DDAH1: variants seen among roughly 807,000 people sequenced by gnomAD.
DDAH1 encodes the protein dimethylarginine dimethylaminohydrolase 1.
Under a neutral mutation model 28.8 loss-of-function variants are expected in DDAH1, and 19 were observed. That is an observed-to-expected ratio of 0.66 (90% confidence interval 0.46 to 0.97). The LOEUF is 0.97. Among genes scored for constraint, DDAH1 ranks in the 50% least tolerant of loss-of-function variants. DDAH1 has a pLI of 0.00. For missense variants in DDAH1, 326 were observed against 375.9 expected (o/e 0.87, Z 1.10); for synonymous variants, 153 against 154.4 (o/e 0.99, Z 0.07).
intron 1 of DDAH1, among the ~76,000 whole-genome samples, chr1:85,499,488 T>C (rs1384813499): frequency 2.0e-5 from 3 of 152,086 alleles, no homozygotes; most frequent in Admixed American, 6.5e-5. Flanking sequence ...GCCTGGCCAA[T>C]ATGTTGAAAC....
chr1:85,386,632 C>A (rs893522945), intron 1 of DDAH1, among the ~76,000 whole-genome samples: 2 of 152,176 alleles, frequency 1.3e-5, no homozygotes, highest in African/African-American at 4.8e-5. Flanking sequence ...GCTGGTGGGT[C>A]TATAATTCTG....
At chr1:85,502,777 C>T (rs1308164905) in intron 1 of DDAH1, among the ~76,000 whole-genome samples, 1 of 152,220 alleles carries the variant, frequency 6.6e-6, no homozygotes, top group African/African-American at 2.4e-5. Flanking sequence ...TCCTCTTTTG[C>T]TGCTTCTCTT....
intron 1 of DDAH1, among the ~76,000 whole-genome samples, chr1:85,507,422 G>T (rs1657053244): frequency 6.6e-6 from 1 of 152,058 alleles, no homozygotes. Context: ...AGGACTGCTT[G>T]AGCCCAGGAG....
intron 1 of DDAH1, among the ~76,000 whole-genome samples, chr1:85,371,049 A>T (rs955536677): frequency 6.6e-6 from 1 of 152,202 alleles, no homozygotes; most frequent in Non-Finnish European, 1.5e-5. Flanking sequence ...TAACAATACT[A>T]TTCTAACAAA....
chr1:85,390,933 C>T (rs957146056), intron 1 of DDAH1, among the ~76,000 whole-genome samples: 2 of 152,114 alleles, frequency 1.3e-5, no homozygotes, highest in African/African-American at 4.8e-5. Context: ...ATTCATATAA[C>T]TGTACTTGAA....
chr1:85,475,862 G>T (rs985000599), intron 2 of DDAH1, among the ~76,000 whole-genome samples: 6 of 151,940 alleles, frequency 3.9e-5, no homozygotes, highest in South Asian at 2.1e-4. Context: ...TTTGGTTTTG[G>T]TTTTTTCGAG....
Position 85,464,998 on chromosome 1 carries a change from G to C in DDAH1, c.48C>G (p.Ala16=), listed in dbSNP as rs1258923030. The part of the protein sequence containing the change: ...HPAAFGRATH[A]VVRALPESLG... ...GCGACTCGGGTAGCGCCCGCACCAC[G>C]GCGTGGGTGGCCCGGCCGAAGGCGG... The change falls in exon 1 of 6, where the codon GCC becomes GCG. Residue 16 remains alanine, a synonymous_variant. Transcript: ENST00000284031. This position sits in a 1 kb window ranked among gnomAD's most constrained non-coding sequence, Gnocchi z 4.4. 3 of 1,378,412 alleles carry C rather than the reference G, an allele frequency of 2.2e-6. No homozygotes were observed. The highest frequency in any genetic ancestry group is 6.1e-5 in the East Asian group (2 of 32,586). 85.4% of individuals were successfully genotyped at this position (1,378,412 alleles called of 1,614,324 possible).
intron 1 of DDAH1, chr1:85,380,486 TG>T (rs1266735953): frequency 6.6e-6 from 1 of 152,194 alleles, no homozygotes; most frequent in Admixed American, 6.5e-5. Context: ...AGAGCTGAAA[TG>T]GTCATATTCC....
At chr1:85,533,321 A>G (rs1159840699) in intron 1 of DDAH1, among the ~76,000 whole-genome samples, 3 of 152,204 alleles carry the variant, frequency 2.0e-5, no homozygotes, top group Admixed American at 2.0e-4. Context: ...GCGTTAAGAA[A>G]GTATTTTTTT....
intron 3 of DDAH1, 71 bp downstream of exon 3, chr1:85,351,435 T>TTGATTCAATGGTTCTA: frequency 8.2e-7 from 1 of 1,225,118 alleles, no homozygotes; most frequent in Non-Finnish European, 1.2e-6. Context: ...ACTCATGACA[T>TTGATTCAATGGTTCTA]TGATTCAATG....
At position 85,430,605 on chromosome 1, in the gene DDAH1, G is replaced by A. The variant is rs183781369; in HGVS notation, c.303+34138C>T. On this transcript the variant is annotated intron_variant, in intron 1 of 5. Coordinates refer to ENST00000284031, the MANE Select transcript of DDAH1 (RefSeq NM_012137.4). ...AGTGGTTTGTAGTTCTCCTTGAAGAGGTTCGTCACATCCCTTGTAAGTTGG... is the reference window on the plus strand; with the variant it reads ...AGTGGTTTGTAGTTCTCCTTGAAGAAGTTCGTCACATCCCTTGTAAGTTGG... Among the ~76,000 whole-genome samples, 169 of 152,214 alleles carry A rather than the reference G, an allele frequency of 1.1e-3. 1 individual carries two copies. The highest frequency in any genetic ancestry group is 3.9e-3 in the African/African-American group (164 of 41,524).
chr1:85,455,836 A>T (rs1300702380), intron 1 of DDAH1, among the ~76,000 whole-genome samples: 1 of 152,238 alleles, frequency 6.6e-6, no homozygotes, highest in Non-Finnish European at 1.5e-5. Flanking sequence ...GAGTAAGCAG[A>T]GCTTTTGAAA....
intron 1 of DDAH1, among the ~76,000 whole-genome samples, chr1:85,454,538 G>C (rs1654801631): frequency 6.6e-6 from 1 of 152,232 alleles, no homozygotes; most frequent in Admixed American, 6.5e-5. Flanking sequence ...GTTGAAAGGG[G>C]ATGCGGTCGA....
intron 1 of DDAH1, among the ~76,000 whole-genome samples, chr1:85,447,249 T>C (rs952475044): frequency 1.3e-5 from 2 of 152,144 alleles, no homozygotes; most frequent in African/African-American, 2.4e-5. Context: ...CTGAATTCAG[T>C]CTATTTATAG....
chr1:85,567,656 G>A (rs78650125), intron 1 of DDAH1, among the ~76,000 whole-genome samples: 1 of 152,282 alleles, frequency 6.6e-6, no homozygotes, highest in South Asian at 2.1e-4. Context: ...AATCACAGAT[G>A]AGTCAATTTA....
At chr1:85,511,824 CA>C (rs1657246059) in intron 1 of DDAH1, among the ~76,000 whole-genome samples, 1 of 152,134 alleles carries the variant, frequency 6.6e-6, no homozygotes, top group Non-Finnish European at 1.5e-5. Context: ...CTGAATAGAC[CA>C]ATAACAGGTT....
chr1:85,417,601 C>T (rs1233417037), intron 1 of DDAH1, among the ~76,000 whole-genome samples: 2 of 152,308 alleles, frequency 1.3e-5, no homozygotes, highest in Middle Eastern at 3.4e-3. Flanking sequence ...ATCCTATCTC[C>T]TTATAGGGAA....
At position 85,465,069 on chromosome 1, in the gene DDAH1, CGGCGGCGGCGGA is replaced by C. The variant is rs1655311379; in HGVS notation, c.-36_-25del. On this transcript the variant is annotated 5_prime_UTR_variant, in exon 1 of 6. Transcript: ENST00000284031. ...ATGGCTTCGGGAGGCTTAGGGGCGGCGGCGGCGGCGGAGGCGGCCGGGTCCTGCCGCGGGCAG... is the reference window on the plus strand; with the variant it reads ...ATGGCTTCGGGAGGCTTAGGGGCGGCGGCGGCCGGGTCCTGCCGCGGGCAG... The C allele has an allele frequency of 8.2e-7, 1 of 1,226,174 alleles. No homozygotes were observed. The allele number at this position is 1,226,174 out of a possible 1,614,324, so 76.0% of individuals were successfully genotyped here.
chr1:85,573,721 G>C (rs926671825), intron 1 of DDAH1, among the ~76,000 whole-genome samples: 1 of 152,232 alleles, frequency 6.6e-6, no homozygotes, highest in Non-Finnish European at 1.5e-5. Flanking sequence ...ACAGAGTAGT[G>C]GCTGGAGAGT....
Sources: allele counts gnomAD v4.1 joint callset (sites outside exome capture counted in the v4.1 genomes callset), GRCh38; gene constraint gnomAD v4.1.1; non-coding constraint Gnocchi (gnomAD v3.1); transcripts MANE v1.5; gene names NCBI Gene and HGNC (gene_info 2026-07-23, HGNC 2026-07-21).